Variants in FAF1 observed in about 807,000 individuals in gnomAD.
The protein encoded by FAF1 is Fas associated factor 1, also known as FAS-associated factor 1.
Under a neutral mutation model 92.5 loss-of-function variants are expected in FAF1, and 25 were observed. The ratio of observed to expected loss-of-function variants is 0.27; its 90% CI spans 0.20 to 0.38. FAF1 has a LOEUF of 0.38. Among genes scored for constraint, FAF1 ranks in the 10% least tolerant of loss-of-function variants. The probability of loss-of-function intolerance (pLI) is 1.00; values close to 1 mark genes in which losing one functional copy is unlikely to be tolerated. For missense variants in FAF1, 636 were observed against 793.3 expected (o/e 0.80, Z 2.38); for synonymous variants, 234 against 273.2 (o/e 0.86, Z 1.42).
intron 4 of FAF1, among the ~76,000 whole-genome samples, chr1:50,754,763 C>T (rs1207581484): frequency 6.6e-6 from 1 of 152,114 alleles, no homozygotes; most frequent in African/African-American, 2.4e-5. Flanking sequence ...GTTTAATGGA[C>T]TTACAGTTCC....
intron 2 of FAF1, among the ~76,000 whole-genome samples, chr1:50,840,433 A>C (rs952986668): frequency 1.1e-4 from 16 of 152,104 alleles, no homozygotes; most frequent in African/African-American, 3.6e-4. Flanking sequence ...TATAATGCAC[A>C]AAAGATTTTA....
rs534168620 is a variant in FAF1, at chr1:50,529,512, C to T, written c.1494+5857G>A. Reference sequence around the variant, plus strand: ...TGAAATAAATGTGAACAAAAATCAACCTGTTGCTTATTCATATCTAACTGC... The same window carrying T: ...TGAAATAAATGTGAACAAAAATCAATCTGTTGCTTATTCATATCTAACTGC... On this transcript the variant is annotated intron_variant, in intron 15 of 18. Coordinates refer to ENST00000396153, the MANE Select transcript of FAF1 (RefSeq NM_007051.3). 2.0e-5 allele frequency among the ~76,000 whole-genome samples: 3 copies of T among 152,250 alleles called. No individual in the cohort carries two copies. In the South Asian group the frequency reaches 6.2e-4, roughly 32 times the overall value.
chr1:50,524,898 T>C (rs1647711872), intron 15 of FAF1, among the ~76,000 whole-genome samples: 1 of 152,112 alleles, frequency 6.6e-6, no homozygotes, highest in East Asian at 1.9e-4. Flanking sequence ...ATGAATTTTT[T>C]TTTTTGAGAC....
chr1:50,626,978 T>A (rs1212153003), intron 8 of FAF1, among the ~76,000 whole-genome samples: 5 of 152,128 alleles, frequency 3.3e-5, no homozygotes, highest in Non-Finnish European at 7.4e-5. Flanking sequence ...TGGAACTGGA[T>A]GGATTGTGAT....
At chr1:50,647,747 G>A (rs894999786) in intron 8 of FAF1, among the ~76,000 whole-genome samples, 1 of 152,132 alleles carries the variant, frequency 6.6e-6, no homozygotes, top group Non-Finnish European at 1.5e-5. Flanking sequence ...ACGAGTTATT[G>A]TTCGACAGTT....
rs114397816 is a variant in FAF1 at position 50,442,728 on chromosome 1, G to C, written c.1870-1205C>G. 9.9e-3 allele frequency among the ~76,000 whole-genome samples: 1,503 copies of C among 152,314 alleles called. 24 individuals are homozygous for C. Among genetic ancestry groups the C allele is most frequent in the African/African-American group, 0.034 (1,428 of 41,552 alleles). On this transcript the variant is annotated intron_variant, in intron 18 of 18. Transcript: ENST00000396153. ...TTCCATGGAGGGGTGGGGGATATGGGGAAGTGGAGGCCCTGGGGGCCAAGG... is the reference window on the plus strand; with the variant it reads ...TTCCATGGAGGGGTGGGGGATATGGCGAAGTGGAGGCCCTGGGGGCCAAGG...
At chr1:50,789,740 C>CTTCAAT (rs68136082) in intron 3 of FAF1, among the ~76,000 whole-genome samples, 18,289 of 152,074 alleles carry the variant, frequency 0.12, 1,334 homozygotes, top group African/African-American at 0.21. Flanking sequence ...TTTCTCAACC[C>CTTCAAT]TACTCTCCTT....
At position 50,583,731 on chromosome 1, in the gene FAF1, A is replaced by G; in HGVS notation, c.968-16T>C. 1 of 1,554,862 alleles carries G rather than the reference A, an allele frequency of 6.4e-7. No homozygotes were observed. The highest frequency in any genetic ancestry group is 8.7e-7 in the Non-Finnish European group (1 of 1,143,976). ...TTTTCTGGCACTAAAAAACAAACAA[A>G]AGAAAAAACAAAAACAAAAAAACAA... is the stretch of plus-strand genomic sequence containing the variant. On this transcript the variant is annotated splice_polypyrimidine_tract_variant and intron_variant, in intron 10 of 18. Coordinates refer to ENST00000396153, the MANE Select transcript of FAF1 (RefSeq NM_007051.3). The surrounding 1 kb of genome is among the most constrained non-coding windows in gnomAD (Gnocchi z 4.2).
At chr1:50,605,346 C>G (rs1652328850) in intron 8 of FAF1, among the ~76,000 whole-genome samples, 1 of 152,130 alleles carries the variant, frequency 6.6e-6, no homozygotes, top group South Asian at 2.1e-4. Context: ...CATTAAAATA[C>G]TTCTGAAGAG....
chr1:50,929,919 TAC>T (rs1645035565), intron 1 of FAF1, among the ~76,000 whole-genome samples: 1 of 152,242 alleles, frequency 6.6e-6, no homozygotes, highest in Admixed American at 6.5e-5. Context: ...GTCAGTAATT[TAC>T]AGTCTACAAC....
intron 8 of FAF1, among the ~76,000 whole-genome samples, chr1:50,628,174 C>T (rs1653596814): frequency 6.6e-6 from 1 of 151,968 alleles, no homozygotes; most frequent in African/African-American, 2.4e-5. Context: ...TAAATGTGAA[C>T]AGAATTTCTA....
At chr1:50,499,685 T>G (rs963592489) in intron 15 of FAF1, among the ~76,000 whole-genome samples, 9 of 152,160 alleles carry the variant, frequency 5.9e-5, no homozygotes, top group African/African-American at 2.2e-4. Context: ...TTAGTAAGGT[T>G]GCAGAATATA....
chr1:50,830,100 TTTTG>T (rs1644138964), intron 2 of FAF1, among the ~76,000 whole-genome samples: 2 of 152,122 alleles, frequency 1.3e-5, no homozygotes, highest in South Asian at 4.1e-4. Flanking sequence ...TCTTGCTTCT[TTTTG>T]TTTTTGTTTT....
chr1:50,726,539 A>G (rs1198909700), intron 6 of FAF1, among the ~76,000 whole-genome samples: 3 of 152,088 alleles, frequency 2.0e-5, no homozygotes, highest in African/African-American at 7.2e-5. Flanking sequence ...TATTAAAAAT[A>G]CAAAAAATGG....
chr1:50,561,736 G>A (rs1649910768), intron 13 of FAF1, among the ~76,000 whole-genome samples: 1 of 152,168 alleles, frequency 6.6e-6, no homozygotes. Flanking sequence ...TGAGGCAGAA[G>A]AATCACTTGA....
chr1:50,785,087 C>G (rs1661311168), intron 4 of FAF1, among the ~76,000 whole-genome samples: 1 of 139,260 alleles, frequency 7.2e-6, no homozygotes, highest in Non-Finnish European at 1.5e-5. Flanking sequence ...GAGCAAAGAC[C>G]TTGCTACTGT....
At chr1:50,731,611 G>A (rs1354758892) in intron 6 of FAF1, among the ~76,000 whole-genome samples, 2 of 151,912 alleles carry the variant, frequency 1.3e-5, no homozygotes, top group East Asian at 3.9e-4. Flanking sequence ...CTCGTGATCC[G>A]CCCGCCTTGG....
intron 7 of FAF1, among the ~76,000 whole-genome samples, chr1:50,669,864 G>A (rs995308430): frequency 1.3e-5 from 2 of 152,208 alleles, no homozygotes; most frequent in African/African-American, 2.4e-5. Context: ...GCTCACGCCT[G>A]TAATCCCAGC....
chr1:50,733,579 T>C (rs572643800), intron 6 of FAF1, among the ~76,000 whole-genome samples: 5 of 152,274 alleles, frequency 3.3e-5, no homozygotes, highest in Non-Finnish European at 7.3e-5. Context: ...ATTGATGTCC[T>C]TATAAAAAGA....
Sources: allele counts gnomAD v4.1 joint callset (sites outside exome capture counted in the v4.1 genomes callset), GRCh38; gene constraint gnomAD v4.1.1; non-coding constraint Gnocchi (gnomAD v3.1); transcripts MANE v1.5; gene names NCBI Gene and HGNC (gene_info 2026-07-23, HGNC 2026-07-21).